Variants in GRM5 observed in about 807,000 individuals in gnomAD.
GRM5 encodes the protein glutamate metabotropic receptor 5.
A neutral mutation model predicts 83.1 loss-of-function variants in GRM5; 19 were observed. The observed-to-expected ratio is 0.23, with a 90% CI of 0.16 to 0.34. The LOEUF (loss-of-function observed/expected upper bound fraction) is 0.34. GRM5 is among the 10% of genes least tolerant of loss of function. The pLI is 1.00. For synonymous variants in GRM5, 675 were observed against 633.6 expected, an observed-to-expected ratio of 1.07 and a Z score of -0.98; for missense variants, 1,160 against 1,588.3, an observed-to-expected ratio of 0.73 and a Z score of 4.58.
At chr11:88,818,306 A>C (rs1341579816) in intron 3 of GRM5, among the ~76,000 whole-genome samples, 1 of 152,114 alleles carries the variant, frequency 6.6e-6, no homozygotes. Flanking sequence ...TGATTATGAC[A>C]GAAAAATAAT....
chr11:88,757,806 T>C (rs1235288860), intron 3 of GRM5, among the ~76,000 whole-genome samples: 1 of 152,122 alleles, frequency 6.6e-6, no homozygotes, highest in Non-Finnish European at 1.5e-5. Context: ...CCTGCTGCCA[T>C]AGCCCTACAA....
chr11:88,681,496 T>C (rs959281569), intron 3 of GRM5, among the ~76,000 whole-genome samples: 1 of 151,270 alleles, frequency 6.6e-6, no homozygotes, highest in African/African-American at 2.4e-5. Context: ...TTCTGAATTC[T>C]TATTTTTCCT....
rs577757467 is a variant in GRM5, at chr11:88,964,365, C to T, written c.661+82847G>A. Among the ~76,000 whole-genome samples, 3 of 118,322 alleles carry T rather than the reference C, an allele frequency of 2.5e-5. No homozygotes were observed. In the South Asian group the frequency reaches 1.1e-3, roughly 44 times the overall value. The allele number at this position is 118,322 out of a possible 152,430, so 77.6% of individuals were successfully genotyped here. ...GAGTAACAGTAGAATAGGCAGGGCACAGAGGGTTTTTTTTTTAAAGACTAG... is the reference window on the plus strand; with the variant it reads ...GAGTAACAGTAGAATAGGCAGGGCATAGAGGGTTTTTTTTTTAAAGACTAG... On this transcript the variant is annotated intron_variant, in intron 2 of 9. Coordinates refer to ENST00000305447, the MANE Select transcript of GRM5 (RefSeq NM_001143831.3).
chr11:89,047,151 C>G lies in GRM5; in HGVS notation c.661+61G>C. 7.6e-7 allele frequency: 1 copy of G among 1,319,092 alleles called. No individual in the cohort carries two copies. The highest frequency in any genetic ancestry group is 1.1e-6 in the Non-Finnish European group (1 of 948,260). 81.7% of individuals were successfully genotyped at this position (1,319,092 alleles called of 1,614,324 possible). A position where few individuals can be genotyped will look rare whatever the true frequency, so the allele number is the denominator to read the frequency against. On this transcript the variant is annotated intron_variant, in intron 2 of 9. Coordinates refer to ENST00000305447, the MANE Select transcript of GRM5 (RefSeq NM_001143831.3). This position sits in a 1 kb window ranked among gnomAD's most constrained non-coding sequence, Gnocchi z 5.1. ...TAGGAATAGTTTACTCTTCCCAAACCTGAAATTGTAACTGTTGAGTGCATA... is the reference window on the plus strand; with the variant it reads ...TAGGAATAGTTTACTCTTCCCAAACGTGAAATTGTAACTGTTGAGTGCATA...
intron 2 of GRM5, among the ~76,000 whole-genome samples, chr11:88,866,311 C>G (rs1361804117): frequency 2.0e-5 from 3 of 152,006 alleles, no homozygotes; most frequent in Non-Finnish European, 4.4e-5. Flanking sequence ...GAACAGAAAA[C>G]CAAACACTGC....
In GRM5 at chr11:88,506,367, G is replaced by T. The variant is rs1187055304; in HGVS notation, c.*2225C>A. Reference sequence around the variant, plus strand: ...GATTTTATAAAACAAATTTTAAAATGTAGAGCATATCAAGAAAGGTTTTTA... The same window carrying T: ...GATTTTATAAAACAAATTTTAAAATTTAGAGCATATCAAGAAAGGTTTTTA... On this transcript the variant is annotated 3_prime_UTR_variant, in exon 10 of 10. Transcript: ENST00000305447. 2 of 152,170 alleles carry T rather than the reference G, an allele frequency of 1.3e-5. No individual in the cohort carries two copies. Among genetic ancestry groups the T allele is most frequent in the Non-Finnish European group, 2.9e-5 (2 of 68,014 alleles). 9.4% of individuals were successfully genotyped at this position (152,170 alleles called of 1,614,324 possible). A position where few individuals can be genotyped will look rare whatever the true frequency, so the allele number is the denominator to read the frequency against.
chr11:88,647,194 T>G (rs983453863), intron 4 of GRM5, among the ~76,000 whole-genome samples: 2 of 152,118 alleles, frequency 1.3e-5, no homozygotes, highest in Admixed American at 1.3e-4. Context: ...ATTAGGGGCC[T>G]ACCCTACTAC....
At chr11:89,059,707 G>A (rs1169066187) in intron 1 of GRM5, among the ~76,000 whole-genome samples, 1 of 152,044 alleles carries the variant, frequency 6.6e-6, no homozygotes, top group East Asian at 1.9e-4. Flanking sequence ...ACATCCAAAG[G>A]CCTGGGTAGG....
At chr11:88,812,949 T>C (rs1027532) in intron 3 of GRM5, among the ~76,000 whole-genome samples, 40,986 of 152,024 alleles carry the variant, frequency 0.27, 5,930 homozygotes, top group South Asian at 0.54. Flanking sequence ...TCATATTTTA[T>C]AGCTTTTCTC....
intron 2 of GRM5, among the ~76,000 whole-genome samples, chr11:88,991,555 C>A (rs11021695): frequency 6.8e-6 from 1 of 147,836 alleles, no homozygotes; most frequent in East Asian, 2.0e-4. Context: ...GCATCACCAA[C>A]TCAATCCTAA....
chr11:88,920,073 G>A (rs1213458102), intron 2 of GRM5, among the ~76,000 whole-genome samples: 4 of 151,938 alleles, frequency 2.6e-5, no homozygotes, highest in African/African-American at 7.2e-5. Context: ...AAATGAAATT[G>A]AAACAGGGGA....
At chr11:88,597,050 AGT>A in intron 6 of GRM5, 132 bp downstream of exon 6, 1 of 561,706 alleles carries the variant, frequency 1.8e-6, no homozygotes, top group Non-Finnish European at 3.1e-6. Flanking sequence ...ACAAGGAATG[AGT>A]GAGAATTTCT....
chr11:88,851,107 A>G (rs1353922079), intron 2 of GRM5, among the ~76,000 whole-genome samples: 2 of 151,968 alleles, frequency 1.3e-5, no homozygotes, highest in Admixed American at 1.3e-4. Context: ...TGCTCCCTCT[A>G]CTTGTCTAAG....
rs112731811 is a variant in GRM5, at chr11:88,642,696, T to C, written c.1147+10472A>G. Reference sequence around the variant, plus strand: ...TTAGCAAGATACTGTAAATCATCACTCTTTAGTTCAAACTTGCACACATCT... The same window carrying C: ...TTAGCAAGATACTGTAAATCATCACCCTTTAGTTCAAACTTGCACACATCT... On this transcript the variant is annotated intron_variant, in intron 4 of 9. Transcript: ENST00000305447. Among the ~76,000 whole-genome samples, 400 of 152,286 alleles carry C rather than the reference T, an allele frequency of 2.6e-3. 4 individuals carry two copies. Among genetic ancestry groups the C allele is most frequent in the African/African-American group, 9.1e-3 (377 of 41,572 alleles).
chr11:88,950,914 T>C (rs1401859903), intron 2 of GRM5, among the ~76,000 whole-genome samples: 3 of 152,204 alleles, frequency 2.0e-5, no homozygotes, highest in Non-Finnish European at 1.5e-5. Context: ...AAATTGTAAA[T>C]GTATAAATGT....
chr11:88,952,683 TGTCA>T (rs1244881075), intron 2 of GRM5, among the ~76,000 whole-genome samples: 1 of 152,088 alleles, frequency 6.6e-6, no homozygotes, highest in African/African-American at 2.4e-5. Flanking sequence ...TTTTTGATGA[TGTCA>T]GTATTTTTAT....
intron 3 of GRM5, among the ~76,000 whole-genome samples, chr11:88,675,997 G>C (rs1940319593): frequency 6.6e-6 from 1 of 151,978 alleles, no homozygotes; most frequent in Non-Finnish European, 1.5e-5. Context: ...GGGAACTGCA[G>C]CTCTGGTTCC....
intron 3 of GRM5, among the ~76,000 whole-genome samples, chr11:88,729,941 A>G (rs1350228185): frequency 1.3e-5 from 2 of 152,228 alleles, no homozygotes; most frequent in East Asian, 1.9e-4. Context: ...AACATAACCT[A>G]GGCAATAGCA....
At chr11:88,760,730 CA>C (rs1457849154) in intron 3 of GRM5, among the ~76,000 whole-genome samples, 1 of 151,128 alleles carries the variant, frequency 6.6e-6, no homozygotes, top group East Asian at 1.9e-4. Context: ...ATCTTGATAC[CA>C]AAATCTCACA....
Sources: allele counts gnomAD v4.1 joint callset (sites outside exome capture counted in the v4.1 genomes callset), GRCh38; gene constraint gnomAD v4.1.1; non-coding constraint Gnocchi (gnomAD v3.1); transcripts MANE v1.5; gene names NCBI Gene and HGNC (gene_info 2026-07-23, HGNC 2026-07-21).